TMPRSS15: variants seen among roughly 807,000 people sequenced by gnomAD.
The protein encoded by TMPRSS15 is transmembrane serine protease 15, also known as enteropeptidase.
Under a neutral mutation model 125.3 loss-of-function variants are expected in TMPRSS15, and 128 were observed. The ratio of observed to expected loss-of-function variants is 1.02; its 90% CI spans 0.89 to 1.18. The LOEUF is 1.18. TMPRSS15 is among the 50% of genes most tolerant of loss of function. The pLI, the probability that TMPRSS15 is intolerant of heterozygous loss-of-function variation, is 0.00. For synonymous variants in TMPRSS15, 446 were observed against 423.2 expected (o/e 1.05, Z -0.66); for missense variants, 1,283 against 1,212.7 (o/e 1.06, Z -0.86).
intron 1 of TMPRSS15, among the ~76,000 whole-genome samples, chr21:18,455,420 G>T (rs143658158): frequency 4.9e-4 from 74 of 152,150 alleles, no homozygotes; most frequent in East Asian, 2.7e-3. Flanking sequence ...CAGGTTCTAG[G>T]TATTTTTTCA....
At chr21:18,316,578 T>C (rs1429675328) in intron 16 of TMPRSS15, among the ~76,000 whole-genome samples, 1 of 152,122 alleles carries the variant, frequency 6.6e-6, no homozygotes, top group Non-Finnish European at 1.5e-5. Flanking sequence ...TACAGCAGTG[T>C]TGGAGGCATG....
chr21:18,435,204 G>C (rs1186570268), intron 1 of TMPRSS15, among the ~76,000 whole-genome samples: 1 of 152,122 alleles, frequency 6.6e-6, no homozygotes, highest in Non-Finnish European at 1.5e-5. Context: ...TCCCTGTCTT[G>C]TGCCAGTTTT....
At chr21:18,337,917 GA>G (rs1211049901) in intron 13 of TMPRSS15, among the ~76,000 whole-genome samples, 2 of 152,146 alleles carry the variant, frequency 1.3e-5, no homozygotes, top group African/African-American at 4.8e-5. Flanking sequence ...TTTCTGCTGT[GA>G]AAAATATTGT....
At chr21:18,320,835 G>A (rs986584297) in intron 16 of TMPRSS15, among the ~76,000 whole-genome samples, 19 of 152,184 alleles carry the variant, frequency 1.2e-4, no homozygotes, top group African/African-American at 4.3e-4. Context: ...TAATCCAACA[G>A]TTTAACTCTC....
intron 1 of TMPRSS15, among the ~76,000 whole-genome samples, chr21:18,429,534 T>C (rs1427393923): frequency 2.6e-5 from 4 of 152,320 alleles, no homozygotes; most frequent in Admixed American, 1.3e-4. Context: ...ACTGTTCTTA[T>C]GGTAGTGAAT....
rs56932398 is a variant in TMPRSS15, at chr21:18,372,098, A to ATGTGTGTGTGTGTGTG, written c.664+79_664+94dup. The ATGTGTGTGTGTGTGTG allele has an allele frequency of 5.0e-4, 267 of 538,748 alleles. 2 individuals carry two copies. The highest frequency in any genetic ancestry group is 1.0e-3 in the South Asian group (30 of 28,770). 33.4% of individuals were successfully genotyped at this position (538,748 alleles called of 1,614,324 possible). A position where few individuals can be genotyped will look rare whatever the true frequency, so the allele number is the denominator to read the frequency against. ...GTAGTTTCAGGTATTTGAGATTAGA[A>ATGTGTGTGTGTGTGTG]TGTGTGTGTGTGTGTGTGTGTGTGT... On this transcript the variant is annotated intron_variant, in intron 6 of 24. Transcript: ENST00000284885.
intron 1 of TMPRSS15, among the ~76,000 whole-genome samples, chr21:18,454,515 C>G (rs1338750898): frequency 6.6e-6 from 1 of 151,960 alleles, no homozygotes; most frequent in Non-Finnish European, 1.5e-5. Context: ...ACTGGAGAAC[C>G]AGGAAAGCCA....
intron 18 of TMPRSS15, among the ~76,000 whole-genome samples, chr21:18,310,795 A>G (rs2075092475): frequency 6.6e-6 from 1 of 152,118 alleles, no homozygotes; most frequent in South Asian, 2.1e-4. Flanking sequence ...GAGGCTTCAC[A>G]CTACCAGATT....
intron 17 of TMPRSS15, 22 bp downstream of exon 17, chr21:18,315,123 AT>A (rs773336068): frequency 3.9e-5 from 61 of 1,579,338 alleles, no homozygotes; most frequent in Non-Finnish European, 5.0e-5. Flanking sequence ...TCATAAAAGT[AT>A]TTTCCTAAAA....
intron 6 of TMPRSS15, among the ~76,000 whole-genome samples, chr21:18,365,769 G>GTTT (rs2075730618): frequency 8.5e-6 from 1 of 117,058 alleles, no homozygotes; most frequent in African/African-American, 3.3e-5. Context: ...TTGAGACAGA[G>GTTT]TTTCGCTCTT....
At chr21:18,425,321 T>C (rs1443559742) in intron 1 of TMPRSS15, among the ~76,000 whole-genome samples, 2 of 152,162 alleles carry the variant, frequency 1.3e-5, no homozygotes, top group African/African-American at 4.8e-5. Flanking sequence ...AAATTATGGA[T>C]GGTAGATTGT....
chr21:18,306,948 C>T (rs544270008), intron 18 of TMPRSS15, among the ~76,000 whole-genome samples: 6 of 151,968 alleles, frequency 3.9e-5, no homozygotes, highest in Non-Finnish European at 8.8e-5. Flanking sequence ...TGAAATAGGC[C>T]TCATAGGATT....
intron 21 of TMPRSS15, among the ~76,000 whole-genome samples, chr21:18,288,744 T>A (rs1477753325): frequency 1.3e-5 from 2 of 151,946 alleles, no homozygotes; most frequent in African/African-American, 4.8e-5. Flanking sequence ...GGTTTCACTG[T>A]GTTGTCCAGG....
intron 1 of TMPRSS15, chr21:18,477,598 C>A (rs1407740912): frequency 1.3e-5 from 2 of 152,042 alleles, no homozygotes; most frequent in Admixed American, 6.6e-5. Context: ...TATTAAGAAA[C>A]TCAAGTGACA....
chr21:18,277,077 A>G (rs7278155), intron 23 of TMPRSS15, among the ~76,000 whole-genome samples: 19,341 of 151,988 alleles, frequency 0.13, 1,397 homozygotes, highest in Middle Eastern at 0.21. Flanking sequence ...GAAAACTGGG[A>G]TTTTATGAAA....
intron 7 of TMPRSS15, among the ~76,000 whole-genome samples, chr21:18,360,949 A>T (rs1340898836): frequency 6.6e-6 from 1 of 152,146 alleles, no homozygotes; most frequent in African/African-American, 2.4e-5. Flanking sequence ...ATCATATTCT[A>T]TAATTGTTAT....
intron 1 of TMPRSS15, among the ~76,000 whole-genome samples, chr21:18,436,499 T>G (rs11088679): frequency 0.37 from 56,048 of 151,754 alleles, 11,250 homozygotes; most frequent in East Asian, 0.87. Flanking sequence ...CTAGTCAAAT[T>G]GTCCCTGTTT....
Position 18,352,795 on chromosome 21 carries a change from A to G in TMPRSS15, c.1171+108T>C, listed in dbSNP as rs571411669. ...TTGAATTTTTAAAAAACCCAAAAAGACTTTTGCATTTAATACTGCTCACTT... is the reference window on the plus strand; with the variant it reads ...TTGAATTTTTAAAAAACCCAAAAAGGCTTTTGCATTTAATACTGCTCACTT... On this transcript the variant is annotated intron_variant, in intron 10 of 24. Coordinates refer to ENST00000284885, the MANE Select transcript of TMPRSS15 (RefSeq NM_002772.3). 2.3e-4 allele frequency: 269 copies of G among 1,154,812 alleles called. No individual in the cohort carries two copies. The Middle Eastern group carries it at 5.8e-3, about 25-fold the overall frequency. 71.5% of individuals were successfully genotyped at this position (1,154,812 alleles called of 1,614,324 possible). A position where few individuals can be genotyped will look rare whatever the true frequency, so the allele number is the denominator to read the frequency against.
intron 1 of TMPRSS15, among the ~76,000 whole-genome samples, chr21:18,439,153 A>G (rs1182413245): frequency 2.0e-5 from 3 of 152,174 alleles, no homozygotes; most frequent in Admixed American, 2.0e-4. Context: ...TCATCTCTGT[A>G]TTTGCTTTTA....
Sources: gnomAD v4.1 joint callset for allele counts (sites outside exome capture counted in the v4.1 genomes callset) on GRCh38, gnomAD v4.1.1 for gene constraint, MANE v1.5 for transcripts, NCBI Gene and HGNC (gene_info 2026-07-23, HGNC 2026-07-21) for gene names.